The following QTMAN variants were observed in gnomAD, a reference collection of about 807,000 sequenced individuals.
QTMAN encodes queuosine-tRNA mannosyltransferase.
the QTMAN span, among the ~76,000 whole-genome samples, chr2:144,155,874 G>A: frequency 3.3e-5 from 5 of 151,424 alleles, no homozygotes; most frequent in East Asian, 3.9e-4. Flanking sequence ...TATCTGCTTC[G>A]TGACAACTAA....
chr2:144,133,116 A>AATATATATATAT, the QTMAN span, among the ~76,000 whole-genome samples: 140 of 41,350 alleles, frequency 3.4e-3, no homozygotes, highest in Non-Finnish European at 4.0e-3. Flanking sequence ...AATGACTGGT[A>AATATATATATAT]ATATATATAT....
chr2:144,285,183 A>G, the QTMAN span, among the ~76,000 whole-genome samples: 2 of 152,162 alleles, frequency 1.3e-5, no homozygotes, highest in Non-Finnish European at 2.9e-5. Context: ...AAATGGAAAC[A>G]TATTCTTCCA....
At chr2:144,107,465 T>A in the QTMAN span, among the ~76,000 whole-genome samples, 1 of 152,172 alleles carries the variant, frequency 6.6e-6, no homozygotes, top group African/African-American at 2.4e-5. Flanking sequence ...CATCAGAGAA[T>A]ACTACAAACA....
At chr2:144,331,934 C>A in the QTMAN span, among the ~76,000 whole-genome samples, 1 of 152,160 alleles carries the variant, frequency 6.6e-6, no homozygotes, top group African/African-American at 2.4e-5. Flanking sequence ...GCCTGGGGCT[C>A]GCACTGCAAG....
chr2:144,167,314 G>A, the QTMAN span, among the ~76,000 whole-genome samples: 2 of 152,122 alleles, frequency 1.3e-5, no homozygotes, highest in African/African-American at 4.8e-5. Context: ...ATCTTCAAAT[G>A]TAGATCTCCA....
At chr2:144,081,181 A>G in the QTMAN span, among the ~76,000 whole-genome samples, 2 of 152,110 alleles carry the variant, frequency 1.3e-5, no homozygotes, top group East Asian at 3.9e-4. Context: ...ATTTCTTCCC[A>G]TTTCTTCCAT....
chr2:144,154,251 A>G, the QTMAN span, among the ~76,000 whole-genome samples: 1 of 152,232 alleles, frequency 6.6e-6, no homozygotes, highest in Admixed American at 6.5e-5. Flanking sequence ...AATGACCATC[A>G]GTAAAGGCTT....
At chr2:144,121,352 C>T in the QTMAN span, among the ~76,000 whole-genome samples, 1 of 152,166 alleles carries the variant, frequency 6.6e-6, no homozygotes, top group African/African-American at 2.4e-5. Context: ...GACAAAGGGC[C>T]TTGATCCCCT....
chr2:144,217,376 A>AT, the QTMAN span, among the ~76,000 whole-genome samples: 2 of 151,906 alleles, frequency 1.3e-5, no homozygotes, highest in East Asian at 3.9e-4. Context: ...AAAACCCTCC[A>AT]TTTTCTAGTC....
chr2:144,179,945 G>A, the QTMAN span, among the ~76,000 whole-genome samples: 1 of 152,268 alleles, frequency 6.6e-6, no homozygotes, highest in South Asian at 2.1e-4. Context: ...TTTGTAGTTT[G>A]TTGTTGTAAA....
At chr2:144,203,692 G>GT in the QTMAN span, among the ~76,000 whole-genome samples, 6 of 152,066 alleles carry the variant, frequency 3.9e-5, no homozygotes, top group Non-Finnish European at 7.4e-5. Flanking sequence ...ATCAAGAACT[G>GT]TAATATGTCT....
At chr2:144,190,557 A>C in the QTMAN span, among the ~76,000 whole-genome samples, 1 of 152,216 alleles carries the variant, frequency 6.6e-6, no homozygotes, top group African/African-American at 2.4e-5. Context: ...AAAGGAAACC[A>C]AGTGCCTTTT....
chr2:144,090,956 T>C, the QTMAN span, among the ~76,000 whole-genome samples: 2 of 151,940 alleles, frequency 1.3e-5, no homozygotes, highest in South Asian at 2.1e-4. Context: ...TTATTATAAC[T>C]AGAATAATCA....
the QTMAN span, among the ~76,000 whole-genome samples, chr2:143,974,513 C>T: frequency 1.3e-5 from 2 of 152,010 alleles, no homozygotes; most frequent in African/African-American, 2.4e-5. Context: ...AAAAATGTTG[C>T]ATAAATATAC....
the QTMAN span, among the ~76,000 whole-genome samples, chr2:144,182,827 TAA>T: frequency 1.6e-4 from 11 of 68,136 alleles, no homozygotes; most frequent in South Asian, 3.8e-4. Flanking sequence ...ATTATATATA[TAA>T]TATATATATA....
chr2:144,304,176 T>C, the QTMAN span, among the ~76,000 whole-genome samples: 1 of 152,202 alleles, frequency 6.6e-6, no homozygotes, highest in African/African-American at 2.4e-5. Flanking sequence ...ACGGACTTCG[T>C]TGACCATGCA....
At chr2:144,178,187 G>C in the QTMAN span, 1 of 152,152 alleles carries the variant, frequency 6.6e-6, no homozygotes, top group Non-Finnish European at 1.5e-5. Context: ...GAAGCCTAGG[G>C]TTCAAGTTTT....
the QTMAN span, among the ~76,000 whole-genome samples, chr2:144,238,680 C>T: frequency 2.6e-5 from 4 of 152,152 alleles, no homozygotes; most frequent in African/African-American, 9.7e-5. Context: ...TCCCTTTCTT[C>T]TCCACTGCTT....
chr2:144,259,024 C>A, the QTMAN span, among the ~76,000 whole-genome samples: 1 of 152,102 alleles, frequency 6.6e-6, no homozygotes, highest in East Asian at 1.9e-4. Flanking sequence ...CCACAGGTAC[C>A]CCAAAGAAAC....
Sources: gnomAD v4.1 joint callset for allele counts (sites outside exome capture counted in the v4.1 genomes callset) on GRCh38, gnomAD v4.1.1 for gene constraint, MANE v1.5 for transcripts, NCBI Gene and HGNC (gene_info 2026-07-23, HGNC 2026-07-21) for gene names.